MYOM2: variants seen among roughly 807,000 people sequenced by gnomAD.
MYOM2 encodes the protein myomesin-2.
A neutral mutation model predicts 187.6 loss-of-function variants in MYOM2; 254 were observed. The observed-to-expected ratio is 1.35, with a 90% confidence interval of 1.22 to 1.50. MYOM2 has a LOEUF of 1.50. MYOM2 is among the 40% of genes most tolerant of loss of function. The pLI is 0.00. For synonymous variants in MYOM2, 981 were observed against 753.8 expected (o/e 1.30, Z -4.94); for missense variants, 2,796 against 1,924.0 (o/e 1.45, Z -8.48).
intron 32 of MYOM2, 55 bp from the exon 33 acceptor site, chr8:2,140,668 T>G: frequency 6.3e-7 from 1 of 1,577,660 alleles, no homozygotes; most frequent in Non-Finnish European, 8.7e-7. Flanking sequence ...CTGTAGACAT[T>G]GTGCGTGTGA....
intron 15 of MYOM2, among the ~76,000 whole-genome samples, chr8:2,090,866 A>G (rs932665491): frequency 2.6e-5 from 4 of 152,158 alleles, no homozygotes; most frequent in Non-Finnish European, 5.9e-5. Flanking sequence ...ATCCAATGTC[A>G]TTGACAGGCA....
rs1171295255 is a variant in MYOM2 at position 2,129,129 on chromosome 8, A to T, written c.3697A>T (p.Lys1233Ter). The change falls in exon 32 of 37, where the codon AAA becomes TAA. Residue 1233 changes from lysine to a stop codon, truncating the protein, a stop_gained and splice_region_variant. Transcript: ENST00000262113. LOFTEE classifies it high-confidence loss of function. ...TGAGGATGTTTTATTTTCTGCAGGG[A>T]AATCTGCTTCGCCACTGAAGGTACT... ...MILAMSRVCG[K>*]SASPLKVLCT... is the part of the protein sequence containing the mutation. 1.9e-6 allele frequency: 3 copies of T among 1,599,722 alleles called. No homozygotes were observed. The highest frequency in any genetic ancestry group is 1.1e-5 in the South Asian group (1 of 90,590).
chr8:2,115,051 GAGTTAT>G (rs1031507976), intron 25 of MYOM2, among the ~76,000 whole-genome samples: 5 of 97,092 alleles, frequency 5.1e-5, no homozygotes, highest in Non-Finnish European at 8.6e-5. Flanking sequence ...ATTAGAATTA[GAGTTAT>G]TTAAGTGAAA....
At chr8:2,059,902 C>G (rs1035690058) in intron 6 of MYOM2, among the ~76,000 whole-genome samples, 65 of 152,144 alleles carry the variant, frequency 4.3e-4, no homozygotes, top group African/African-American at 1.6e-3. Flanking sequence ...GCCATCACGC[C>G]CAGCTAATTT....
At chr8:2,075,544 T>C (rs1367254325) in intron 10 of MYOM2, among the ~76,000 whole-genome samples, 1 of 152,232 alleles carries the variant, frequency 6.6e-6, no homozygotes, top group East Asian at 1.9e-4. Context: ...CCAGGGCTGC[T>C]GAATAAATAC....
At chr8:2,122,219 G>A (rs921746345) in intron 28 of MYOM2, among the ~76,000 whole-genome samples, 3 of 152,238 alleles carry the variant, frequency 2.0e-5, no homozygotes, top group Admixed American at 6.5e-5. Flanking sequence ...TGCTAGAGTC[G>A]TGGAGCCTCA....
intron 32 of MYOM2, among the ~76,000 whole-genome samples, chr8:2,130,516 C>T (rs1285013343): frequency 6.6e-6 from 1 of 152,242 alleles, no homozygotes; most frequent in Non-Finnish European, 1.5e-5. Context: ...GACTATTTCA[C>T]TTTTAATATC....
intron 13 of MYOM2, among the ~76,000 whole-genome samples, chr8:2,083,822 G>C (rs1819717465): frequency 6.6e-6 from 1 of 152,222 alleles, no homozygotes; most frequent in Non-Finnish European, 1.5e-5. Flanking sequence ...TCTTGCCCCA[G>C]CCGGGGATCC....
intron 6 of MYOM2, among the ~76,000 whole-genome samples, chr8:2,064,644 C>G (rs776410062): frequency 3.9e-5 from 6 of 152,184 alleles, no homozygotes; most frequent in African/African-American, 7.2e-5. Flanking sequence ...AGTGCTAATG[C>G]GCGAGGTTGC....
intron 18 of MYOM2, among the ~76,000 whole-genome samples, chr8:2,097,845 A>G (rs1474948437): frequency 1.3e-5 from 2 of 152,224 alleles, no homozygotes; most frequent in Non-Finnish European, 2.9e-5. Flanking sequence ...TGTTTTTCAA[A>G]TATGTCTACA....
chr8:2,075,911 A>T (rs1035777090), intron 10 of MYOM2, among the ~76,000 whole-genome samples: 2 of 152,228 alleles, frequency 1.3e-5, no homozygotes, highest in African/African-American at 4.8e-5. Flanking sequence ...TTGTAGACTC[A>T]GTGTTTTATC....
intron 32 of MYOM2, 142 bp downstream of exon 32, chr8:2,129,374 C>T: frequency 7.3e-6 from 4 of 545,868 alleles, no homozygotes; most frequent in Non-Finnish European, 1.0e-5. Context: ...ATGATGACAA[C>T]CTTTAGCTCA....
intron 8 of MYOM2, among the ~76,000 whole-genome samples, chr8:2,071,656 G>C (rs1025320520): frequency 6.6e-6 from 1 of 152,180 alleles, no homozygotes; most frequent in African/African-American, 2.4e-5. Context: ...AGTCGACTTT[G>C]TGACATTTAA....
chr8:2,115,045 G>GA (rs1401260647), intron 25 of MYOM2, among the ~76,000 whole-genome samples: 1 of 144,104 alleles, frequency 6.9e-6, no homozygotes, highest in Admixed American at 6.9e-5. Context: ...GGTTTCATTA[G>GA]AATTAGAGTT....
intron 32 of MYOM2, among the ~76,000 whole-genome samples, chr8:2,136,480 T>C (rs1214307675): frequency 1.3e-5 from 2 of 152,180 alleles, no homozygotes; most frequent in African/African-American, 2.4e-5. Context: ...GGCTGAGATT[T>C]GGGTTCAAGT....
chr8:2,112,231 A>C (rs961019641), intron 25 of MYOM2, among the ~76,000 whole-genome samples: 5 of 152,200 alleles, frequency 3.3e-5, no homozygotes, highest in Admixed American at 1.3e-4. Context: ...CTTCAATTAG[A>C]GGAGGACAGA....
In MYOM2 at chr8:2,140,882, A is replaced by T; in HGVS notation, c.3960A>T (p.Gly1320=). 1 of 1,608,658 alleles carries T rather than the reference A, an allele frequency of 6.2e-7. No individual in the cohort carries two copies. The highest frequency in any genetic ancestry group is 1.1e-5 in the South Asian group (1 of 90,276). Residue 1320 remains glycine, a synonymous_variant, in exon 33 of 37, where the codon GGA becomes GGT. Transcript: ENST00000262113. ...DNHQRSLDLS[G]QAFDEAFAEF... ...ATCAACGCTCCCTTGACCTGTCCGGACAAGGTAAGAGAATTCTTCTTTAGC... is the reference window on the plus strand; with the variant it reads ...ATCAACGCTCCCTTGACCTGTCCGGTCAAGGTAAGAGAATTCTTCTTTAGC...
intron 6 of MYOM2, among the ~76,000 whole-genome samples, chr8:2,059,987 C>G (rs986447071): frequency 7.9e-5 from 12 of 152,158 alleles, no homozygotes; most frequent in Non-Finnish European, 1.3e-4. Flanking sequence ...TGTGATCCAC[C>G]TGCCTCGGTC....
chr8:2,060,792 A>G (rs1290162285), intron 6 of MYOM2, among the ~76,000 whole-genome samples: 1 of 151,902 alleles, frequency 6.6e-6, no homozygotes, highest in African/African-American at 2.4e-5. Flanking sequence ...ATCCTGTTAA[A>G]AAGTTATCCT....
Sources: gnomAD v4.1 joint callset for allele counts (sites outside exome capture counted in the v4.1 genomes callset) on GRCh38, gnomAD v4.1.1 for gene constraint, MANE v1.5 for transcripts, NCBI Gene and HGNC (gene_info 2026-07-23, HGNC 2026-07-21) for gene names.